PCDH7: variants seen among roughly 807,000 people sequenced by gnomAD.
PCDH7 encodes the protein protocadherin-7.
In PCDH7, 17 loss-of-function variants were observed where a neutral mutation model predicts 58.9. That is an observed-to-expected ratio of 0.29 (90% CI 0.20 to 0.43). PCDH7 has a LOEUF of 0.43. PCDH7 is among the 20% of genes least tolerant of loss of function. The pLI is 1.00. For missense variants in PCDH7, 1,274 were observed against 1,441.0 expected, an observed-to-expected ratio of 0.88 and a Z score of 1.88; for synonymous variants, 664 against 616.4, an observed-to-expected ratio of 1.08 and a Z score of -1.14.
chr4:31,126,514 T>C (rs1338246435), intron 3 of PCDH7, among the ~76,000 whole-genome samples: 1 of 152,198 alleles, frequency 6.6e-6, no homozygotes, highest in Admixed American at 6.5e-5. Flanking sequence ...ACTACAATAG[T>C]GGGACTCATC....
chr4:30,875,089 CT>C (rs1238684133), intron 1 of PCDH7, among the ~76,000 whole-genome samples: 5 of 152,086 alleles, frequency 3.3e-5, no homozygotes, highest in Non-Finnish European at 7.4e-5. Context: ...TAACAAAATA[CT>C]ACACACCTAA....
intron 1 of PCDH7, among the ~76,000 whole-genome samples, chr4:30,894,594 C>CATAT (rs1204989275): frequency 2.0e-5 from 2 of 100,552 alleles, no homozygotes; most frequent in African/African-American, 8.3e-5. Context: ...TACACACACA[C>CATAT]ACATATATAT....
chr4:30,729,651 T>A (rs1013598756), intron 1 of PCDH7, among the ~76,000 whole-genome samples: 1 of 152,016 alleles, frequency 6.6e-6, no homozygotes, highest in Non-Finnish European at 1.5e-5. Flanking sequence ...TGTATGAAAC[T>A]TTTTATGCAT....
chr4:31,022,035 A>G (rs183512736), intron 3 of PCDH7, among the ~76,000 whole-genome samples: 235 of 152,270 alleles, frequency 1.5e-3, no homozygotes, highest in African/African-American at 5.4e-3. Context: ...AGGGATAATT[A>G]TTGTCGTTTA....
At chr4:30,989,265 T>C (rs1051373128) in intron 3 of PCDH7, among the ~76,000 whole-genome samples, 1 of 148,722 alleles carries the variant, frequency 6.7e-6, no homozygotes, top group South Asian at 2.1e-4. Flanking sequence ...CAAGCTAAGA[T>C]AGGTACTCCT....
chr4:30,919,440 G>A (rs539200753), intron 1 of PCDH7, among the ~76,000 whole-genome samples: 1 of 152,154 alleles, frequency 6.6e-6, no homozygotes, highest in African/African-American at 2.4e-5. Context: ...ACAAATTAAA[G>A]GCTGTACATG....
chr4:31,058,956 G>T (rs1757472446), intron 3 of PCDH7, among the ~76,000 whole-genome samples: 1 of 151,952 alleles, frequency 6.6e-6, no homozygotes, highest in Non-Finnish European at 1.5e-5. Context: ...AAAACCTATT[G>T]TTCCATTTTT....
chr4:30,724,402 A>C lies in PCDH7; in HGVS notation c.2980A>C (p.Arg994=), dbSNP rs1455763863. 7 of 1,614,050 alleles carry C rather than the reference A, an allele frequency of 4.3e-6. No homozygotes were observed. The South Asian group carries it at 7.7e-5, about 18-fold the overall frequency. Residue 994 remains arginine, a synonymous_variant, in exon 1 of 2, where the codon AGG becomes CGG. Transcript: ENST00000361762. ...TGGGCCCGGCAGTCCTGACCTGGCA[A>C]GGCATTACAAATCTAGTTCCCCATT...
chr4:30,949,907 AG>A (rs1343648946), intron 2 of PCDH7, among the ~76,000 whole-genome samples: 1 of 151,916 alleles, frequency 6.6e-6, no homozygotes, highest in African/African-American at 2.4e-5. Context: ...CTGGATTTGG[AG>A]AATCATAGTT....
chr4:31,080,486 GTAT>G (rs796868705), intron 3 of PCDH7, among the ~76,000 whole-genome samples: 5 of 152,104 alleles, frequency 3.3e-5, no homozygotes, highest in African/African-American at 1.2e-4. Flanking sequence ...AGTTGACAAG[GTAT>G]TATTAAAACC....
intron 2 of PCDH7, among the ~76,000 whole-genome samples, chr4:30,927,547 A>G (rs1031324062): frequency 1.3e-5 from 2 of 152,068 alleles, no homozygotes; most frequent in South Asian, 2.1e-4. Context: ...CTGTTGATCT[A>G]TGACCTTACC....
chr4:31,014,507 G>A (rs1270675206), intron 3 of PCDH7, among the ~76,000 whole-genome samples: 1 of 152,138 alleles, frequency 6.6e-6, no homozygotes, highest in Non-Finnish European at 1.5e-5. Flanking sequence ...GGACTGGACT[G>A]AACTGAGCAG....
intron 1 of PCDH7, among the ~76,000 whole-genome samples, chr4:30,765,510 A>G (rs1254947829): frequency 6.6e-6 from 1 of 152,080 alleles, no homozygotes; most frequent in African/African-American, 2.4e-5. Context: ...GCTCTGACTG[A>G]TTTTGCACTT....
At chr4:31,091,183 G>A (rs1713200945) in intron 3 of PCDH7, among the ~76,000 whole-genome samples, 1 of 151,856 alleles carries the variant, frequency 6.6e-6, no homozygotes, top group Non-Finnish European at 1.5e-5. Flanking sequence ...CCCACCATGG[G>A]AAATAATGAA....
chr4:31,142,371 A>T (rs543796950), intron 3 of PCDH7, 102 bp from the exon 3 acceptor site: 1 of 1,055,446 alleles, frequency 9.5e-7, no homozygotes, highest in Non-Finnish European at 1.3e-6. Context: ...GAGAAATAAG[A>T]TGGTAAGGAA....
intron 3 of PCDH7, among the ~76,000 whole-genome samples, chr4:30,972,945 G>A (rs1370596706): frequency 6.6e-6 from 1 of 152,112 alleles, no homozygotes; most frequent in African/African-American, 2.4e-5. Context: ...TCTTATGACT[G>A]TTTCTTGAAC....
At chr4:30,834,461 C>T (rs950296179) in intron 1 of PCDH7, among the ~76,000 whole-genome samples, 18 of 152,138 alleles carry the variant, frequency 1.2e-4, no homozygotes, top group Admixed American at 1.0e-3. Flanking sequence ...CATTAGAGAG[C>T]CAGGATTTTA....
intron 3 of PCDH7, among the ~76,000 whole-genome samples, chr4:31,111,807 A>T (rs1716352517): frequency 6.6e-6 from 1 of 152,228 alleles, no homozygotes. Context: ...TAGTTTTTAC[A>T]TTCTTTTCTC....
intron 3 of PCDH7, among the ~76,000 whole-genome samples, chr4:31,109,587 T>C (rs1716029037): frequency 6.6e-6 from 1 of 152,236 alleles, no homozygotes; most frequent in South Asian, 2.1e-4. Context: ...AATGTGTTTA[T>C]TTATTTTATA....
Sources: allele counts gnomAD v4.1 joint callset (sites outside exome capture counted in the v4.1 genomes callset), GRCh38; gene constraint gnomAD v4.1.1; transcripts MANE v1.5; gene names NCBI Gene and HGNC (gene_info 2026-07-23, HGNC 2026-07-21).